Variants in FNIP1 observed in about 807,000 individuals in gnomAD.
FNIP1 encodes folliculin interacting protein 1.
FNIP1 carries 40 observed loss-of-function variants against 124.5 expected under a neutral mutation model. That is an observed-to-expected ratio of 0.32 (90% CI 0.25 to 0.42). The LOEUF is 0.42. FNIP1 is among the 10% of genes least tolerant of loss of function. FNIP1 has a pLI of 1.00. For missense variants in FNIP1, 1,176 were observed against 1,403.7 expected (o/e 0.84, Z 2.59); for synonymous variants, 472 against 470.6 (o/e 1.00, Z -0.04).
At chr5:131,716,893 TTA>T (rs1769484498) in intron 5 of FNIP1, among the ~76,000 whole-genome samples, 1 of 152,128 alleles carries the variant, frequency 6.6e-6, no homozygotes, top group East Asian at 1.9e-4. Context: ...GCCCATTCAT[TTA>T]TATACTGTGT....
chr5:131,761,195 A>G (rs1771218469), intron 1 of FNIP1, among the ~76,000 whole-genome samples: 1 of 152,188 alleles, frequency 6.6e-6, no homozygotes, highest in Admixed American at 6.5e-5. Flanking sequence ...TTTACACAAC[A>G]TTTAATTTTT....
At chr5:131,788,714 A>G (rs1377302757) in intron 1 of FNIP1, among the ~76,000 whole-genome samples, 3 of 151,318 alleles carry the variant, frequency 2.0e-5, no homozygotes, top group African/African-American at 4.8e-5. Context: ...AAAAAAAAAA[A>G]AAGAAGTGAT....
chr5:131,731,682 C>T, intron 2 of FNIP1, among the ~76,000 whole-genome samples: 1 of 151,686 alleles, frequency 6.6e-6, no homozygotes, highest in Non-Finnish European at 1.5e-5. Context: ...ACAAAACAAC[C>T]CTTAATGTTC....
At chr5:131,741,929 T>C (rs1330501471) in intron 2 of FNIP1, among the ~76,000 whole-genome samples, 1 of 152,206 alleles carries the variant, frequency 6.6e-6, no homozygotes, top group Admixed American at 6.5e-5. Context: ...GATAACAAAC[T>C]GTCCCAAGTA....
rs1346367555 is a variant in FNIP1, at chr5:131,672,761, G to A, written c.1683C>T (p.Ala561=). 6.2e-7 allele frequency: 1 copy of A among 1,613,446 alleles called. No homozygotes were observed. The highest frequency in any genetic ancestry group is 2.2e-5 in the East Asian group (1 of 44,860). The part of the protein sequence containing the change: ...THLLENGEDE[A]IVMPGTVITT... ...TAATTACTGTGCCTGGCATAACGAT[G>A]GCTTCATCTTCTCCATTTTCTAAAA... The change falls in exon 14 of 18, where the codon GCC becomes GCT. Residue 561 remains alanine (A), a synonymous_variant. Coordinates refer to ENST00000510461, the MANE Select transcript of FNIP1 (RefSeq NM_133372.3).
chr5:131,782,864 T>C (rs1772041742), intron 1 of FNIP1, among the ~76,000 whole-genome samples: 1 of 152,242 alleles, frequency 6.6e-6, no homozygotes, highest in Admixed American at 6.5e-5. Context: ...GGTTTCACCA[T>C]GTTGGCCAGG....
chr5:131,660,565 G>A (rs933065783), intron 15 of FNIP1, among the ~76,000 whole-genome samples: 8 of 152,198 alleles, frequency 5.3e-5, no homozygotes, highest in East Asian at 1.9e-4. Context: ...CCTGGCCACC[G>A]CACCCCTTTC....
chr5:131,663,745 T>C (rs1167283086), intron 15 of FNIP1, among the ~76,000 whole-genome samples: 3 of 152,202 alleles, frequency 2.0e-5, no homozygotes, highest in Non-Finnish European at 4.4e-5. Context: ...GGAAAAGTCA[T>C]GGGTTCTGCA....
chr5:131,773,510 T>C (rs1771709723), intron 1 of FNIP1, among the ~76,000 whole-genome samples: 1 of 152,192 alleles, frequency 6.6e-6, no homozygotes, highest in African/African-American at 2.4e-5. Flanking sequence ...TCTATTAAAA[T>C]GCAGGCAACA....
At chr5:131,775,618 C>T (rs561790384) in intron 1 of FNIP1, among the ~76,000 whole-genome samples, 1 of 151,010 alleles carries the variant, frequency 6.6e-6, no homozygotes, top group Non-Finnish European at 1.5e-5. Context: ...ACCTCTGCCC[C>T]CCGGGTTCAA....
At chr5:131,650,380 G>GT (rs1337907252) in intron 16 of FNIP1, among the ~76,000 whole-genome samples, 1 of 152,104 alleles carries the variant, frequency 6.6e-6, no homozygotes, top group Non-Finnish European at 1.5e-5. Context: ...TGGTGCTATT[G>GT]TAAGTGGAAT....
At chr5:131,780,992 A>T (rs1771977106) in intron 1 of FNIP1, among the ~76,000 whole-genome samples, 1 of 152,234 alleles carries the variant, frequency 6.6e-6, no homozygotes. Context: ...TGCAAAGGAA[A>T]ATTTCTTAGA....
In FNIP1 at chr5:131,793,816, G is replaced by A. The variant is rs1413823939; in HGVS notation, c.92+3014C>T. ...GTTGCCAATGGCTAACTACACCCAA[G>A]CCTGATTTAACAATTTAGGCTGACT... On this transcript the variant is annotated intron_variant, in intron 1 of 17. Coordinates refer to ENST00000510461, the MANE Select transcript of FNIP1 (RefSeq NM_133372.3). 2.0e-5 allele frequency among the ~76,000 whole-genome samples: 3 copies of A among 152,076 alleles called. 1 individual carries two copies. The highest frequency in any genetic ancestry group is 4.4e-5 in the Non-Finnish European group (3 of 68,022).
chr5:131,782,043 A>G (rs1772013096), intron 1 of FNIP1, among the ~76,000 whole-genome samples: 1 of 152,052 alleles, frequency 6.6e-6, no homozygotes. Flanking sequence ...AGCACTAGAC[A>G]CTTGGAAAGC....
intron 1 of FNIP1, among the ~76,000 whole-genome samples, chr5:131,778,996 TGGGGAGG>T (rs1394052673): frequency 1.5e-5 from 1 of 68,606 alleles, no homozygotes; most frequent in Non-Finnish European, 2.7e-5. Context: ...GGGACTGTGG[TGGGGAGG>T]GGGGAGGGGG....
chr5:131,776,893 T>C (rs1771826650), intron 1 of FNIP1, among the ~76,000 whole-genome samples: 1 of 152,126 alleles, frequency 6.6e-6, no homozygotes, highest in African/African-American at 2.4e-5. Context: ...CTGAGGTGTA[T>C]GTTTACGATC....
intron 6 of FNIP1, among the ~76,000 whole-genome samples, chr5:131,716,193 G>T (rs888071530): frequency 9.2e-5 from 14 of 152,140 alleles, no homozygotes; most frequent in African/African-American, 2.9e-4. Flanking sequence ...TATGGTTATG[G>T]AAGACAGAAG....
chr5:131,725,981 T>C (rs1020505383), intron 3 of FNIP1, among the ~76,000 whole-genome samples: 5 of 152,218 alleles, frequency 3.3e-5, no homozygotes, highest in East Asian at 3.8e-4. Context: ...GTTCTGTTCA[T>C]GTGATGGATT....
intron 15 of FNIP1, among the ~76,000 whole-genome samples, chr5:131,658,397 C>T (rs902363119): frequency 3.3e-5 from 5 of 152,038 alleles, no homozygotes; most frequent in Non-Finnish European, 2.9e-5. Context: ...GGTATGGGGC[C>T]AAGCTAACTT....
Sources: allele counts gnomAD v4.1 joint callset (sites outside exome capture counted in the v4.1 genomes callset), GRCh38; gene constraint gnomAD v4.1.1; transcripts MANE v1.5; gene names NCBI Gene and HGNC (gene_info 2026-07-23, HGNC 2026-07-21).